Variants in DHX38 observed in about 807,000 individuals in gnomAD.
DHX38 encodes pre-mRNA-splicing factor ATP-dependent RNA helicase PRP16.
In DHX38, 100 loss-of-function variants were observed where a neutral mutation model predicts 153.1. The ratio of observed to expected loss-of-function variants is 0.65; its 90% CI spans 0.56 to 0.77. The LOEUF is 0.77. DHX38 is among the 30% of genes least tolerant of loss of function. DHX38 has a pLI of 0.00. For missense variants in DHX38, 1,440 were observed against 1,654.0 expected, an observed-to-expected ratio of 0.87 and a Z score of 2.24; for synonymous variants, 650 against 631.7, an observed-to-expected ratio of 1.03 and a Z score of -0.43.
chr16:72,101,047 G>T (rs1427238959), intron 9 of DHX38, 39 bp from the exon 10 acceptor site: 2 of 1,599,214 alleles, frequency 1.3e-6, no homozygotes, highest in Non-Finnish European at 1.7e-6. Context: ...CCTTCTTGCT[G>T]ATTTTAACGG....
chr16:72,111,175 G>A, intron 26 of DHX38, 98 bp downstream of exon 26: 2 of 1,431,222 alleles, frequency 1.4e-6, no homozygotes, highest in Non-Finnish European at 1.8e-6. Context: ...ATGGGAAGGT[G>A]CATGTGTGAA....
rs2042142650 is a variant in DHX38 at position 72,104,329 on chromosome 16, A to C, written c.2011-157A>C. The C allele has an allele frequency of 1.6e-6, 2 of 1,221,968 alleles. No homozygotes were observed. The highest frequency in any genetic ancestry group is 1.5e-5 in the South Asian group (1 of 65,388). 75.7% of individuals were successfully genotyped at this position (1,221,968 alleles called of 1,614,324 possible). On this transcript the variant is annotated intron_variant, in intron 14 of 26. Transcript: ENST00000268482. The surrounding 1 kb of genome is among the most constrained non-coding windows in gnomAD (Gnocchi z 4.5). Reference sequence around the variant, plus strand: ...GAGGGTGGCTTGGGGTTTTCTGGGCAGTGGCTCCATTGCTTCAGTCTTCAT... The same window carrying C: ...GAGGGTGGCTTGGGGTTTTCTGGGCCGTGGCTCCATTGCTTCAGTCTTCAT...
chr16:72,111,462 C>T (rs774537661), intron 26 of DHX38, among the ~76,000 whole-genome samples: 2 of 152,190 alleles, frequency 1.3e-5, no homozygotes, highest in South Asian at 2.1e-4. Flanking sequence ...TCCGTGAGAA[C>T]GCCCTCACTT....
intron 1 of DHX38, 50 bp from the exon 2 acceptor site, chr16:72,096,089 A>G: frequency 6.6e-7 from 1 of 1,514,100 alleles, no homozygotes; most frequent in South Asian, 1.3e-5. Flanking sequence ...ATTGTGGGAT[A>G]TAGTAGAGCT....
Position 72,108,470 on chromosome 16 carries a change from T to A in DHX38, c.3121-3T>A, listed in dbSNP as rs1361450627. The A allele has an allele frequency of 6.8e-6, 11 of 1,614,062 alleles. No homozygotes were observed. The highest frequency in any genetic ancestry group is 9.3e-6 in the Non-Finnish European group (11 of 1,179,930). ...CTCCTGGTGCCTCCGTCTCCTGCCCTAGGTCCGGGAGGTGCGAGCTCAACT... is the reference window on the plus strand; with the variant it reads ...CTCCTGGTGCCTCCGTCTCCTGCCCAAGGTCCGGGAGGTGCGAGCTCAACT... On this transcript the variant is annotated splice_polypyrimidine_tract_variant and splice_region_variant and intron_variant, in intron 22 of 26. Transcript: ENST00000268482.
At position 72,103,595 on chromosome 16, in the gene DHX38, C is replaced by G. The variant is rs1229909998; in HGVS notation, c.1638-7C>G. Reference sequence around the variant, plus strand: ...CTGATAAGCCCTTTGCCTGCTTGTCCTTGTAGAGACAACAGCATCGTGATC... The same window carrying G: ...CTGATAAGCCCTTTGCCTGCTTGTCGTTGTAGAGACAACAGCATCGTGATC... On this transcript the variant is annotated splice_polypyrimidine_tract_variant and splice_region_variant and intron_variant, in intron 12 of 26. Coordinates refer to ENST00000268482, the MANE Select transcript of DHX38 (RefSeq NM_014003.4). 1 of 1,602,238 alleles carries G rather than the reference C, an allele frequency of 6.2e-7. No homozygotes were observed. The highest frequency in any genetic ancestry group is 1.3e-5 in the African/African-American group (1 of 74,850).
intron 19 of DHX38, 33 bp downstream of exon 19, chr16:72,106,150 C>T (rs2042173570): frequency 6.2e-7 from 1 of 1,604,614 alleles, no homozygotes; most frequent in Non-Finnish European, 8.5e-7. Context: ...CTTTCTGGGG[C>T]AGCGCTGGGG....
At position 72,105,015 on chromosome 16, in the gene DHX38, C is replaced by T. The variant is rs368342970; in HGVS notation, c.2152-12C>T. 32 of 1,612,898 alleles carry T rather than the reference C, an allele frequency of 2.0e-5. No individual in the cohort carries two copies. The highest frequency in any genetic ancestry group is 2.7e-5 in the African/African-American group (2 of 74,932). On this transcript the variant is annotated splice_polypyrimidine_tract_variant and intron_variant, in intron 15 of 26. Transcript: ENST00000268482. ...GTACCTCCCTCTGACTGTGTCCCCA[C>T]TGCTGTTGCAGACCCCACAGGAGGA...
chr16:72,096,237 G>C lies in DHX38; in HGVS notation c.80G>C (p.Cys27Ser), dbSNP rs1567602304. The C allele has an allele frequency of 1.2e-6, 2 of 1,614,150 alleles. No individual in the cohort carries two copies. The highest frequency in any genetic ancestry group is 1.7e-6 in the Non-Finnish European group (2 of 1,180,024). The change falls in exon 2 of 27, where the codon TGC becomes TCC. Residue 27 changes from cysteine (C) to serine (S), a missense_variant. By Grantham distance (112) the Cys-to-Ser change is moderately radical. Transcript: ENST00000268482. ...GACTGTCAGGTTGGTGGTCTTATTT[G>C]CAAGTCCAAAAGTGCGGCCAGCGAG... ...DLDCQVGGLI[C>S]KSKSAASEQH...
intron 8 of DHX38, among the ~76,000 whole-genome samples, chr16:72,100,166 G>T (rs1321891853): frequency 1.3e-5 from 2 of 152,182 alleles, no homozygotes; most frequent in Non-Finnish European, 2.9e-5. Flanking sequence ...TGTTCTTTGT[G>T]TCTCTGATGT....
At position 72,104,781 on chromosome 16, in the gene DHX38, C is replaced by T. The variant is rs934503713; in HGVS notation, c.2151+155C>T. 1.3e-5 allele frequency among the ~76,000 whole-genome samples: 2 copies of T among 152,118 alleles called. No homozygotes were observed. The highest frequency in any genetic ancestry group is 2.9e-5 in the Non-Finnish European group (2 of 68,026). ...TGGGGCAGCCTGCAGCTCTGGGACT[C>T]GGGGACAAAGGACTCTGCTCTGGGT... On this transcript the variant is annotated intron_variant, in intron 15 of 26. Transcript: ENST00000268482. The surrounding 1 kb of genome is among the most constrained non-coding windows in gnomAD (Gnocchi z 4.5).
Position 72,104,681 on chromosome 16 carries a change from T to C in DHX38, c.2151+55T>C. On this transcript the variant is annotated intron_variant, in intron 15 of 26. Coordinates refer to ENST00000268482, the MANE Select transcript of DHX38 (RefSeq NM_014003.4). This position sits in a 1 kb window ranked among gnomAD's most constrained non-coding sequence, Gnocchi z 4.5. The stretch of plus-strand genomic sequence containing the variant: ...CCTTCCATGCCACGCACTTCTCTGA[T>C]GCGAAGCCGGCTGGAGGGTGGAGGG... The C allele has an allele frequency of 3.1e-6, 5 of 1,608,438 alleles. No homozygotes were observed. The highest frequency in any genetic ancestry group is 3.4e-6 in the Non-Finnish European group (4 of 1,176,730).
intron 23 of DHX38, 64 bp from the exon 24 acceptor site, chr16:72,108,736 T>C: frequency 6.3e-7 from 1 of 1,598,290 alleles, no homozygotes; most frequent in Non-Finnish European, 8.5e-7. Context: ...TGTTAAGGGA[T>C]GGGGTCGCTG....
At chr16:72,094,213 T>TCCGG (rs2041970868) in intron 1 of DHX38, 162 bp downstream of exon 1, 1 of 152,970 alleles carries the variant, frequency 6.5e-6, no homozygotes, top group South Asian at 2.1e-4. Flanking sequence ...GCTGCATCCG[T>TCCGG]CCTGGCCGCC....
Position 72,103,075 on chromosome 16 carries a change from A to ACAGAGCAGAAGTTTG in DHX38, c.1506_1520dup (p.Glu502_Ala506dup). The stretch of plus-strand genomic sequence containing the variant: ...GTTTAGGCTGCTGTGTGTTCCTAGG[A>ACAGAGCAGAAGTTTG]CAGAGCAGAAGTTTGCAGATCACAT... On this transcript the variant is annotated inframe_insertion and splice_region_variant, in exon 12 of 27. Transcript: ENST00000268482. 1 of 1,614,166 alleles carries ACAGAGCAGAAGTTTG rather than the reference A, an allele frequency of 6.2e-7. No homozygotes were observed. Among genetic ancestry groups the ACAGAGCAGAAGTTTG allele is most frequent in the African/African-American group, 1.3e-5 (1 of 75,052 alleles).
At chr16:72,111,861 C>G (rs367932663) in intron 26 of DHX38, among the ~76,000 whole-genome samples, 7 of 152,190 alleles carry the variant, frequency 4.6e-5, no homozygotes, top group African/African-American at 1.4e-4. Context: ...TCCAGTCCCC[C>G]CTCCTCCCCA....
rs1478117513 is a variant in DHX38, at chr16:72,107,431, C to G, written c.2692C>G (p.Leu898Val). 1 of 1,614,212 alleles carries G rather than the reference C, an allele frequency of 6.2e-7. No individual in the cohort carries two copies. Among genetic ancestry groups the G allele is most frequent in the South Asian group, 1.1e-5 (1 of 91,092 alleles). Reference sequence around the variant, plus strand: ...TAACCTGGCCAACGTGGTGCTGCTGCTCAAGTCCCTCGGGGTGCAGGACCT... The same window carrying G: ...TAACCTGGCCAACGTGGTGCTGCTGGTCAAGTCCCTCGGGGTGCAGGACCT... ...RTNLANVVLL[L>V]KSLGVQDLLQ... The change falls in exon 20 of 27, where the codon CTC becomes GTC. Residue 898 changes from leucine (L) to valine (V), a missense_variant. Leu to Val is a conservative substitution (Grantham distance 32). This residue lies in a region of DHX38 where 543 missense variants were observed against 717.9 expected (regional missense o/e 0.76). Transcript: ENST00000268482. This position sits in a 1 kb window ranked among gnomAD's most constrained non-coding sequence, Gnocchi z 5.3.
intron 1 of DHX38, chr16:72,094,594 C>T (rs887314131): frequency 6.6e-6 from 1 of 152,206 alleles, no homozygotes; most frequent in Non-Finnish European, 1.5e-5. Flanking sequence ...CTTGTAGTTT[C>T]TTTGCCATTA....
Position 72,112,530 on chromosome 16 carries a change from G to A in DHX38, c.*33G>A. The A allele has an allele frequency of 6.2e-7, 1 of 1,609,022 alleles. No individual in the cohort carries two copies. Among genetic ancestry groups the A allele is most frequent in the Non-Finnish European group, 8.5e-7 (1 of 1,178,708 alleles). ...CTGTCCCCAGAGAGGATGGCAGCAG[G>A]TATTGGGTCCTCAGCCTTCTGGCGG... is the stretch of plus-strand genomic sequence containing the variant. On this transcript the variant is annotated 3_prime_UTR_variant, in exon 27 of 27. Coordinates refer to ENST00000268482, the MANE Select transcript of DHX38 (RefSeq NM_014003.4).
Sources: allele counts gnomAD v4.1 joint callset (sites outside exome capture counted in the v4.1 genomes callset), GRCh38; gene constraint gnomAD v4.1.1; regional missense constraint gnomAD v4.1.1; non-coding constraint Gnocchi (gnomAD v3.1); transcripts MANE v1.5; gene names NCBI Gene and HGNC (gene_info 2026-07-23, HGNC 2026-07-21).